TRAPPC11: variants seen among roughly 807,000 people sequenced by gnomAD.
TRAPPC11 encodes trafficking protein particle complex subunit 11.
Under a neutral mutation model 151.2 loss-of-function variants are expected in TRAPPC11, and 104 were observed. The observed-to-expected ratio is 0.69, with a 90% CI of 0.59 to 0.81. TRAPPC11 has a LOEUF of 0.81. TRAPPC11 is among the 30% of genes least tolerant of loss of function. The pLI is 0.00. For synonymous variants in TRAPPC11, 456 were observed against 472.3 expected, an observed-to-expected ratio of 0.97 and a Z score of 0.45; for missense variants, 1,230 against 1,349.6, an observed-to-expected ratio of 0.91 and a Z score of 1.39.
rs555817213 is a variant in TRAPPC11 at position 183,678,568 on chromosome 4, A to T, written c.832-785A>T. 2.6e-5 allele frequency among the ~76,000 whole-genome samples: 4 copies of T among 152,354 alleles called. No homozygotes were observed. In the East Asian group the frequency reaches 7.7e-4, roughly 29 times the overall value. ...AATAATACCCAAAATATATTGCAAGATGAATAAAGTCACAGATTAGCATAT... is the reference window on the plus strand; with the variant it reads ...AATAATACCCAAAATATATTGCAAGTTGAATAAAGTCACAGATTAGCATAT... On this transcript the variant is annotated intron_variant, in intron 8 of 29. Transcript: ENST00000334690.
rs116374103 is a variant in TRAPPC11 at position 183,674,830 on chromosome 4, A to G, written c.660+18A>G. 1.8e-3 allele frequency: 2,529 copies of G among 1,413,794 alleles called. 44 individuals are homozygous for G. In the African/African-American group the frequency reaches 0.032, roughly 18 times the overall value. The allele number at this position is 1,413,794 out of a possible 1,614,324, so 87.6% of individuals were successfully genotyped here. A position where few individuals can be genotyped will look rare whatever the true frequency, so the allele number is the denominator to read the frequency against. On this transcript the variant is annotated intron_variant, in intron 6 of 29. Coordinates refer to ENST00000334690, the MANE Select transcript of TRAPPC11 (RefSeq NM_021942.6). ...CACACCAGGTGCGTGATTTTTTGCA[A>G]TAATAGAAGCATTCTGGAGCGGATT...
intron 1 of TRAPPC11, among the ~76,000 whole-genome samples, chr4:183,660,835 T>C (rs1300758159): frequency 6.6e-6 from 1 of 152,192 alleles, no homozygotes; most frequent in Non-Finnish European, 1.5e-5. Flanking sequence ...TGCCTCAGCC[T>C]CCCGAGTAGC....
In TRAPPC11 at chr4:183,686,724, G is replaced by C; in HGVS notation, c.1869G>C (p.Lys623Asn). ...GTCCACATCCCATTAGGTTTTCCAA[G>C]CTCTGTGTCAGCTTTAATAATCAGG... ...ADCPHPIRFS[K>N]LCVSFNNQEY... The change falls in exon 18 of 30, where the codon AAG becomes AAC. Residue 623 changes from lysine to asparagine, a missense_variant. Physicochemically the swap from Lys to Asn is moderately conservative, Grantham distance 94. Transcript: ENST00000334690. 3 of 1,614,058 alleles carry C rather than the reference G, an allele frequency of 1.9e-6. No individual in the cohort carries two copies. The highest frequency in any genetic ancestry group is 2.5e-6 in the Non-Finnish European group (3 of 1,179,986).
chr4:183,662,421 A>G (rs1180067040), intron 1 of TRAPPC11, among the ~76,000 whole-genome samples: 1 of 149,022 alleles, frequency 6.7e-6, no homozygotes, highest in Admixed American at 6.6e-5. Flanking sequence ...TATTAAAAAT[A>G]TAATGACAGT....
At position 183,685,104 on chromosome 4, in the gene TRAPPC11, C is replaced by A; in HGVS notation, c.1588C>A (p.Gln530Lys). 1 of 1,613,478 alleles carries A rather than the reference C, an allele frequency of 6.2e-7. No individual in the cohort carries two copies. Among genetic ancestry groups the A allele is most frequent in the South Asian group, 1.1e-5 (1 of 91,000 alleles). ...LGRASTLKDD[Q>K]KSRIEKNLIN... The stretch of plus-strand genomic sequence containing the variant: ...ACTAGCTTCAACTCTGAAAGATGAC[C>A]AGAAGTCTCGGATAGAAAAGAACCT... Residue 530 changes from glutamine to lysine, a missense_variant, in exon 16 of 30, where the codon CAG becomes AAG. Gln to Lys is a moderately conservative substitution (Grantham distance 53). Transcript: ENST00000334690.
At position 183,675,233 on chromosome 4, in the gene TRAPPC11, C is replaced by A; in HGVS notation, c.730C>A (p.Leu244Met). The A allele has an allele frequency of 6.5e-7, 1 of 1,532,196 alleles. No homozygotes were observed. Among genetic ancestry groups the A allele is most frequent in the South Asian group, 1.3e-5 (1 of 75,964 alleles). The allele number at this position is 1,532,196 out of a possible 1,614,324, so 94.9% of individuals were successfully genotyped here. The change falls in exon 7 of 30, where the codon CTG (leucine) becomes ATG (methionine). Residue 244 changes from leucine to methionine, a missense_variant. By Grantham distance (15) the Leu-to-Met change is conservative. Transcript: ENST00000334690. ...SELKQDTQNA[L>M]KNYRTAYNLV... ...GTTGAAACAAGATACACAAAATGCG[C>A]TGAAGTAAGTTAAGCTTTCAAACTA...
At chr4:183,697,875 G>C in intron 25 of TRAPPC11, 40 bp downstream of exon 25, 1 of 1,563,898 alleles carries the variant, frequency 6.4e-7, no homozygotes, top group Non-Finnish European at 8.7e-7. Flanking sequence ...CAGGAGAATT[G>C]TGCGCGCGTG....
Position 183,691,408 on chromosome 4 carries a change from C to G in TRAPPC11, c.1986C>G (p.Gly662=). 1 of 1,546,306 alleles carries G rather than the reference C, an allele frequency of 6.5e-7. No individual in the cohort carries two copies. The highest frequency in any genetic ancestry group is 8.8e-7 in the Non-Finnish European group (1 of 1,138,518). ...AAGGAAAGATGTGCCTAGTTCCTGG[C>G]AAAACAAGAAAACTGTTATTTAAGT... is the stretch of plus-strand genomic sequence containing the variant. ...LTQGKMCLVP[G]KTRKLLFKFV... The change falls in exon 19 of 30, where the codon GGC becomes GGG. Residue 662 remains glycine (G), a synonymous_variant. Coordinates refer to ENST00000334690, the MANE Select transcript of TRAPPC11 (RefSeq NM_021942.6).
chr4:183,691,228 TG>T, intron 18 of TRAPPC11, 87 bp from the exon 19 acceptor site: 1 of 1,039,782 alleles, frequency 9.6e-7, no homozygotes, highest in Non-Finnish European at 1.3e-6. Context: ...TCAGTGTTTG[TG>T]GAGTTATACT....
intron 28 of TRAPPC11, among the ~76,000 whole-genome samples, chr4:183,707,254 A>ATGTGTGTGTGTGTGTGTG: frequency 6.7e-6 from 1 of 148,674 alleles, no homozygotes; most frequent in South Asian, 2.2e-4. Context: ...GTGTGTGTTT[A>ATGTGTGTGTGTGTGTGTG]TGTGTGTGTG....
chr4:183,661,792 T>TC (rs1734563811), intron 1 of TRAPPC11, among the ~76,000 whole-genome samples: 6 of 133,748 alleles, frequency 4.5e-5, no homozygotes, highest in East Asian at 4.4e-4. Context: ...GGCACAATCT[T>TC]GCTCTGTCAC....
chr4:183,662,106 G>T (rs1734582236), intron 1 of TRAPPC11, among the ~76,000 whole-genome samples: 1 of 151,804 alleles, frequency 6.6e-6, no homozygotes. Context: ...TCTTTTAAAA[G>T]AACCTCATTT....
intron 5 of TRAPPC11, among the ~76,000 whole-genome samples, chr4:183,670,421 C>T (rs1223194353): frequency 6.6e-6 from 1 of 152,174 alleles, no homozygotes; most frequent in Non-Finnish European, 1.5e-5. Context: ...GACCTTTCCT[C>T]TTAGGACAAT....
chr4:183,685,194 TTATATC>T (rs767808590), intron 16 of TRAPPC11, 49 bp downstream of exon 16: 35 of 1,610,000 alleles, frequency 2.2e-5, no homozygotes, highest in Non-Finnish European at 3.0e-5. Flanking sequence ...ATATGTGTAC[TTATATC>T]TATATCAACT....
At chr4:183,663,227 A>G (rs1255128560) in intron 1 of TRAPPC11, among the ~76,000 whole-genome samples, 1 of 151,084 alleles carries the variant, frequency 6.6e-6, no homozygotes, top group East Asian at 1.9e-4. Context: ...CACCATGTCC[A>G]GCTAATTTTT....
chr4:183,708,115 C>T (rs1432558340), intron 28 of TRAPPC11, among the ~76,000 whole-genome samples: 1 of 152,102 alleles, frequency 6.6e-6, no homozygotes, highest in Non-Finnish European at 1.5e-5. Flanking sequence ...AAAGATTCAC[C>T]TGCCTTGAGT....
chr4:183,679,549 C>T lies in TRAPPC11; in HGVS notation c.965+63C>T. On this transcript the variant is annotated intron_variant, in intron 9 of 29. Transcript: ENST00000334690. The stretch of plus-strand genomic sequence containing the variant: ...TGATACATAGTATTTGGAGAAATAG[C>T]ATGGACTTTGGTTCTAAAACTGAAC... 2.1e-6 allele frequency: 3 copies of T among 1,414,276 alleles called. 1 individual carries two copies. Among genetic ancestry groups the T allele is most frequent in the South Asian group, 3.0e-5 (2 of 67,458 alleles). 87.6% of individuals were successfully genotyped at this position (1,414,276 alleles called of 1,614,324 possible). A position where few individuals can be genotyped will look rare whatever the true frequency, so the allele number is the denominator to read the frequency against.
rs1484646413 is a variant in TRAPPC11 at position 183,666,776 on chromosome 4, A to G, written c.375-284A>G. On this transcript the variant is annotated intron_variant, in intron 3 of 29. Coordinates refer to ENST00000334690, the MANE Select transcript of TRAPPC11 (RefSeq NM_021942.6). The stretch of plus-strand genomic sequence containing the variant: ...TTGGATGACTACTCTGCAGTGTATC[A>G]CCATAAAGAAGTAAGTTGCATTATA... 4 of 425,376 alleles carry G rather than the reference A, an allele frequency of 9.4e-6. No individual in the cohort carries two copies. In the East Asian group the frequency reaches 1.1e-4, roughly 12 times the overall value. 26.4% of individuals were successfully genotyped at this position (425,376 alleles called of 1,614,324 possible). A position where few individuals can be genotyped will look rare whatever the true frequency, so the allele number is the denominator to read the frequency against.
At chr4:183,662,354 C>CAAAAAAA (rs202105209) in intron 1 of TRAPPC11, among the ~76,000 whole-genome samples, 4 of 110,268 alleles carry the variant, frequency 3.6e-5, no homozygotes, top group Admixed American at 9.6e-5. Context: ...TACTCCGTCT[C>CAAAAAAA]AAAAAAAAAA....
Sources: allele counts gnomAD v4.1 joint callset (sites outside exome capture counted in the v4.1 genomes callset), GRCh38; gene constraint gnomAD v4.1.1; transcripts MANE v1.5; gene names NCBI Gene and HGNC (gene_info 2026-07-23, HGNC 2026-07-21).